Variants in UBN1 observed in about 807,000 individuals in gnomAD.
The protein encoded by UBN1 is ubinuclein 1.
Under a neutral mutation model 108.5 loss-of-function variants are expected in UBN1, and 17 were observed. That is an observed-to-expected ratio of 0.16 (90% confidence interval 0.11 to 0.24). UBN1 has a LOEUF of 0.24. Among genes scored for constraint, UBN1 ranks in the 10% least tolerant of loss-of-function variants. UBN1 has a pLI of 1.00. For synonymous variants in UBN1, 726 were observed against 564.2 expected, an observed-to-expected ratio of 1.29 and a Z score of -4.07; for missense variants, 1,595 against 1,394.4, an observed-to-expected ratio of 1.14 and a Z score of -2.29.
intron 7 of UBN1, among the ~76,000 whole-genome samples, chr16:4,868,342 C>G (rs2087437122): frequency 6.6e-6 from 1 of 152,112 alleles, no homozygotes; most frequent in African/African-American, 2.4e-5. Context: ...CGTGGTATAC[C>G]ATAAGTAGAT....
intron 7 of UBN1, among the ~76,000 whole-genome samples, chr16:4,861,494 CA>C (rs1230586704): frequency 6.6e-6 from 1 of 152,236 alleles, no homozygotes; most frequent in Non-Finnish European, 1.5e-5. Context: ...AGTTTGTAAA[CA>C]TACAAGTTAC....
At chr16:4,879,111 CTG>C (rs1440695034) in intron 17 of UBN1, among the ~76,000 whole-genome samples, 7 of 152,154 alleles carry the variant, frequency 4.6e-5, no homozygotes, top group Non-Finnish European at 1.0e-4. Context: ...TGTAGGGTGA[CTG>C]TAGTTAACAG....
At chr16:4,859,746 A>C in intron 5 of UBN1, 119 bp from the exon 6 acceptor site, 1 of 1,482,834 alleles carries the variant, frequency 6.7e-7, no homozygotes, top group Non-Finnish European at 9.0e-7. Flanking sequence ...GCTTTTGTTC[A>C]TGAAGGAAAT....
intron 1 of UBN1, among the ~76,000 whole-genome samples, chr16:4,849,840 TC>T (rs2086456758): frequency 6.6e-6 from 1 of 150,402 alleles, no homozygotes; most frequent in African/African-American, 2.4e-5. Flanking sequence ...CCAGCGATCA[TC>T]CTGCCTTAGC....
Position 4,880,091 on chromosome 16 carries a change from C to G in UBN1, c.3364C>G (p.Gln1122Glu). 1 of 1,614,018 alleles carries G rather than the reference C, an allele frequency of 6.2e-7. No homozygotes were observed. The highest frequency in any genetic ancestry group is 8.5e-7 in the Non-Finnish European group (1 of 1,180,006). ...HIPQSLPGAS[Q>E]LHGKGPAVPR... is the part of the protein sequence containing the mutation. ...TTCTTACTCTTTTCCAGGTGCTTCTCAGCTTCACGGGAAAGGGCCTGCTGT... is the reference window on the plus strand; with the variant it reads ...TTCTTACTCTTTTCCAGGTGCTTCTGAGCTTCACGGGAAAGGGCCTGCTGT... The change falls in exon 18 of 18, where the codon CAG (glutamine) becomes GAG (glutamate). Residue 1122 changes from glutamine to glutamate, a missense_variant. This residue lies in a region of UBN1 where 1,398 missense variants were observed against 1,194.7 expected (regional missense o/e 1.17). Transcript: ENST00000262376.
intron 7 of UBN1, among the ~76,000 whole-genome samples, chr16:4,863,536 T>A (rs8048701): frequency 0.25 from 38,544 of 152,098 alleles, 5,226 homozygotes; most frequent in South Asian, 0.43. Flanking sequence ...TTTTTAAAAT[T>A]TAAAGTAAAC....
At position 4,863,281 on chromosome 16, in the gene UBN1, G is replaced by A. The variant is rs554062130; in HGVS notation, c.1110+2179G>A. ...TTAAAAAGATGCTTAATGCTACTCC[G>A]AAGGGTCCTCAGGTGCGCTCTTCTG... On this transcript the variant is annotated intron_variant, in intron 7 of 17. Coordinates refer to ENST00000262376, the MANE Select transcript of UBN1 (RefSeq NM_001079514.3). 3.3e-5 allele frequency among the ~76,000 whole-genome samples: 5 copies of A among 152,168 alleles called. No homozygotes were observed. In the South Asian group the frequency reaches 8.3e-4, roughly 25 times the overall value.
At chr16:4,858,464 G>C in intron 3 of UBN1, 104 bp from the exon 4 acceptor site, 1 of 983,608 alleles carries the variant, frequency 1.0e-6, no homozygotes, top group Non-Finnish European at 1.6e-6. Flanking sequence ...GACTGTTTTA[G>C]TTAGTGCATT....
At chr16:4,876,325 A>G (rs967725277) in intron 15 of UBN1, among the ~76,000 whole-genome samples, 2 of 151,932 alleles carry the variant, frequency 1.3e-5, no homozygotes, top group Admixed American at 6.6e-5. Flanking sequence ...TGGAGGTCTC[A>G]CCTCCTTTCC....
intron 14 of UBN1, among the ~76,000 whole-genome samples, chr16:4,873,557 G>T (rs1240114877): frequency 6.6e-6 from 1 of 152,150 alleles, no homozygotes; most frequent in African/African-American, 2.4e-5. Flanking sequence ...AGTAAAAATT[G>T]CTGTTTATCA....
chr16:4,868,763 G>A (rs2087460013), intron 7 of UBN1, 70 bp from the exon 8 acceptor site: 7 of 1,497,936 alleles, frequency 4.7e-6, no homozygotes, highest in Non-Finnish European at 6.5e-6. Context: ...TGACTCCTGT[G>A]CCTGTGGGTG....
intron 1 of UBN1, among the ~76,000 whole-genome samples, chr16:4,850,919 G>A (rs559842690): frequency 6.6e-6 from 1 of 152,142 alleles, no homozygotes; most frequent in African/African-American, 2.4e-5. Flanking sequence ...TATAAAGAAG[G>A]ATAATAAACA....
Position 4,875,117 on chromosome 16 carries a change from C to G in UBN1, c.2707C>G (p.Pro903Ala). 6.2e-7 allele frequency: 1 copy of G among 1,614,208 alleles called. No individual in the cohort carries two copies. Among genetic ancestry groups the G allele is most frequent in the Non-Finnish European group, 8.5e-7 (1 of 1,180,042 alleles). The change falls in exon 15 of 18, where the codon CCC becomes GCC. Residue 903 changes from proline (P) to alanine (A), a missense_variant. Coordinates refer to ENST00000262376, the MANE Select transcript of UBN1 (RefSeq NM_001079514.3). Reference protein sequence around the residue: ...SSAGSSYKNNPFASSISKHGV... With the variant: ...SSAGSSYKNNAFASSISKHGV... ...TGCAGGCTCATCTTACAAGAATAAT[C>G]CCTTTGCCAGCTCAATCTCCAAACA... is the stretch of plus-strand genomic sequence containing the variant.
intron 12 of UBN1, 133 bp downstream of exon 12, chr16:4,871,434 T>A: frequency 1.5e-6 from 2 of 1,290,968 alleles, no homozygotes; most frequent in Non-Finnish European, 2.1e-6. Context: ...CTCACCTGAG[T>A]AACTGGGGGA....
chr16:4,878,474 G>A (rs1352229677), intron 17 of UBN1, among the ~76,000 whole-genome samples: 1 of 152,124 alleles, frequency 6.6e-6, no homozygotes, highest in African/African-American at 2.4e-5. Flanking sequence ...GCGCATTATA[G>A]TAAACACCAG....
chr16:4,877,126 G>A lies in UBN1; in HGVS notation c.3265+15G>A. 3.8e-6 allele frequency: 6 copies of A among 1,595,356 alleles called. No homozygotes were observed. Among genetic ancestry groups the A allele is most frequent in the Non-Finnish European group, 5.1e-6 (6 of 1,171,470 alleles). ...CCTTGGCCACAGTAAGTGCTTCTTT[G>A]CTGCCTCTGGTCACTCAGGAACCTC... On this transcript the variant is annotated intron_variant, in intron 16 of 17. Coordinates refer to ENST00000262376, the MANE Select transcript of UBN1 (RefSeq NM_001079514.3). This position sits in a 1 kb window ranked among gnomAD's most constrained non-coding sequence, Gnocchi z 4.3.
chr16:4,858,337 A>G (rs2086903558), intron 3 of UBN1, among the ~76,000 whole-genome samples: 1 of 152,234 alleles, frequency 6.6e-6, no homozygotes, highest in African/African-American at 2.4e-5. Context: ...TACAAAGCAT[A>G]AGAAGCCATT....
chr16:4,850,956 T>A (rs2086529849), intron 1 of UBN1, among the ~76,000 whole-genome samples: 1 of 152,186 alleles, frequency 6.6e-6, no homozygotes, highest in Admixed American at 6.5e-5. Context: ...AACATTAAAG[T>A]ATGAAACTTT....
Position 4,853,106 on chromosome 16 carries a change from C to T in UBN1, c.189C>T (p.Phe63=), listed in dbSNP as rs2086632559. The T allele has an allele frequency of 6.2e-7, 1 of 1,614,252 alleles. No homozygotes were observed. Among genetic ancestry groups the T allele is most frequent in the Non-Finnish European group, 8.5e-7 (1 of 1,180,050 alleles). Residue 63 remains phenylalanine, a synonymous_variant, in exon 2 of 18, where the codon TTC becomes TTT. Coordinates refer to ENST00000262376, the MANE Select transcript of UBN1 (RefSeq NM_001079514.3). ...EPDHKRCPEF[F]YPELVKNIRG... is the part of the protein sequence containing the mutation. ...ATCACAAACGCTGCCCAGAGTTCTT[C>T]TACCCAGAGCTGGTGAAGAATATCC...
Sources: gnomAD v4.1 joint callset for allele counts (sites outside exome capture counted in the v4.1 genomes callset) on GRCh38, gnomAD v4.1.1 for gene constraint, gnomAD v4.1.1 regional missense constraint, Gnocchi (gnomAD v3.1) non-coding constraint, MANE v1.5 for transcripts, NCBI Gene and HGNC (gene_info 2026-07-23, HGNC 2026-07-21) for gene names.